Variants in LRRC1 observed in about 807,000 individuals in gnomAD.
LRRC1 encodes leucine-rich repeat-containing protein 1.
Under a neutral mutation model 69.9 loss-of-function variants are expected in LRRC1, and 28 were observed. The observed-to-expected ratio is 0.40, with a 90% CI of 0.30 to 0.55. The LOEUF is 0.55. LRRC1 is among the 20% of genes least tolerant of loss of function. The pLI, the probability that LRRC1 is intolerant of heterozygous loss-of-function variation, is 0.47. For synonymous variants in LRRC1, 236 were observed against 240.2 expected, an observed-to-expected ratio of 0.98 and a Z score of 0.16; for missense variants, 498 against 609.0, an observed-to-expected ratio of 0.82 and a Z score of 1.92.
chr6:53,882,658 TA>T (rs1767335229), intron 3 of LRRC1, among the ~76,000 whole-genome samples: 4 of 152,332 alleles, frequency 2.6e-5, no homozygotes, highest in Admixed American at 6.5e-5. Context: ...TAGATCACCA[TA>T]ACAATGTGTT....
chr6:53,920,004 C>T (rs1309046980), intron 12 of LRRC1, among the ~76,000 whole-genome samples: 1 of 152,184 alleles, frequency 6.6e-6, no homozygotes, highest in Non-Finnish European at 1.5e-5. Flanking sequence ...GTATTAACAC[C>T]ACTGGCATAC....
At chr6:53,902,096 A>G (rs905509510) in intron 8 of LRRC1, among the ~76,000 whole-genome samples, 6 of 152,184 alleles carry the variant, frequency 3.9e-5, no homozygotes, top group African/African-American at 1.4e-4. Context: ...TCCCATGAAC[A>G]GTGGGTATCA....
chr6:53,888,516 A>G (rs900594507), intron 4 of LRRC1, among the ~76,000 whole-genome samples: 1 of 152,208 alleles, frequency 6.6e-6, no homozygotes, highest in African/African-American at 2.4e-5. Flanking sequence ...TAAGATAGCA[A>G]TACTCGACAA....
intron 11 of LRRC1, among the ~76,000 whole-genome samples, chr6:53,915,250 T>G (rs1024432469): frequency 6.6e-6 from 1 of 152,176 alleles, no homozygotes; most frequent in Non-Finnish European, 1.5e-5. Flanking sequence ...TCACCATTTT[T>G]TACTCTTGCT....
chr6:53,889,618 A>G (rs1451749248), intron 4 of LRRC1, among the ~76,000 whole-genome samples: 2 of 152,138 alleles, frequency 1.3e-5, no homozygotes, highest in African/African-American at 4.8e-5. Flanking sequence ...AAATTAAATT[A>G]TTGGTTGTTG....
intron 2 of LRRC1, among the ~76,000 whole-genome samples, chr6:53,853,074 C>G (rs1293986362): frequency 6.6e-6 from 1 of 152,060 alleles, no homozygotes; most frequent in Non-Finnish European, 1.5e-5. Context: ...CGTATTACCC[C>G]CTTCTATTTT....
At chr6:53,917,051 A>T (rs1037818401) in intron 11 of LRRC1, among the ~76,000 whole-genome samples, 8 of 152,172 alleles carry the variant, frequency 5.3e-5, no homozygotes, top group African/African-American at 9.7e-5. Flanking sequence ...TTTATTCTGT[A>T]GTGTACAGAA....
intron 7 of LRRC1, among the ~76,000 whole-genome samples, 164 bp from the exon 8 acceptor site, chr6:53,899,583 G>A (rs911476582): frequency 1.3e-5 from 2 of 152,188 alleles, no homozygotes; most frequent in Non-Finnish European, 2.9e-5. Context: ...ACTTTCATTG[G>A]AAGGGGATCT....
rs1216128838 is a variant in LRRC1, at chr6:53,897,364, G to A, written c.642+5G>A. 1 of 1,599,946 alleles carries A rather than the reference G, an allele frequency of 6.3e-7. No homozygotes were observed. The highest frequency in any genetic ancestry group is 8.6e-7 in the Non-Finnish European group (1 of 1,168,116). ...CAACTGTCAGAATTACCTCAGGTAA[G>A]TGGTAATTTCACAGTGTCTCCCCAA... On this transcript the variant is annotated splice_donor_5th_base_variant and intron_variant, in intron 7 of 13. Coordinates refer to ENST00000370888, the MANE Select transcript of LRRC1 (RefSeq NM_018214.5).
chr6:53,825,418 C>A (rs934251125), intron 1 of LRRC1, among the ~76,000 whole-genome samples: 4 of 152,134 alleles, frequency 2.6e-5, no homozygotes, highest in Admixed American at 2.6e-4. Flanking sequence ...GAGACTGGGG[C>A]GCCATGTCAG....
intron 13 of LRRC1, among the ~76,000 whole-genome samples, 200 bp downstream of exon 13, chr6:53,920,961 G>GTTTTTTTTTTTTTTTTTTTT (rs201940946): frequency 6.8e-6 from 1 of 147,690 alleles, no homozygotes; most frequent in African/African-American, 2.5e-5. Flanking sequence ...GAACTCATGG[G>GTTTTTTTTTTTTTTTTTTTT]TTTTTTTTTT....
chr6:53,851,566 C>T (rs1766138428), intron 2 of LRRC1, among the ~76,000 whole-genome samples: 2 of 152,176 alleles, frequency 1.3e-5, no homozygotes, highest in Admixed American at 6.5e-5. Context: ...TTGAGTCTAA[C>T]CAATTCAAAT....
chr6:53,845,357 A>G (rs1562040805), intron 2 of LRRC1, among the ~76,000 whole-genome samples: 1 of 152,216 alleles, frequency 6.6e-6, no homozygotes, highest in Non-Finnish European at 1.5e-5. Context: ...AGATAAAATT[A>G]TGTTAATCTG....
intron 1 of LRRC1, among the ~76,000 whole-genome samples, chr6:53,836,421 C>A (rs771375384): frequency 5.3e-5 from 8 of 152,138 alleles, no homozygotes; most frequent in Non-Finnish European, 1.2e-4. Flanking sequence ...AAGTGTTTGG[C>A]TTACTGCCAA....
intron 2 of LRRC1, among the ~76,000 whole-genome samples, chr6:53,868,840 C>G (rs1178187700): frequency 6.6e-6 from 1 of 152,180 alleles, no homozygotes; most frequent in Non-Finnish European, 1.5e-5. Context: ...AGGGATCACC[C>G]TCTCATCACT....
At chr6:53,860,211 A>G (rs908976244) in intron 2 of LRRC1, among the ~76,000 whole-genome samples, 13 of 152,248 alleles carry the variant, frequency 8.5e-5, no homozygotes, top group Non-Finnish European at 1.5e-4. Context: ...AAATTTTCTC[A>G]TAACAGTACG....
intron 8 of LRRC1, among the ~76,000 whole-genome samples, chr6:53,902,408 G>A (rs1336559216): frequency 6.6e-6 from 1 of 151,898 alleles, no homozygotes; most frequent in Non-Finnish European, 1.5e-5. Context: ...AAAATGTTTT[G>A]TTTCTTATTG....
chr6:53,795,759 T>C (rs4645422), intron 1 of LRRC1, among the ~76,000 whole-genome samples: 32,292 of 152,048 alleles, frequency 0.21, 3,507 homozygotes, highest in East Asian at 0.25. Context: ...TCGGGCTGTT[T>C]CCATCTGGAA....
intron 9 of LRRC1, among the ~76,000 whole-genome samples, chr6:53,903,137 G>C (rs1768115114): frequency 1.3e-5 from 2 of 152,200 alleles, no homozygotes; most frequent in South Asian, 4.1e-4. Flanking sequence ...GGGAAGAGCA[G>C]GAGAGAAGAG....
Sources: gnomAD v4.1 joint callset for allele counts (sites outside exome capture counted in the v4.1 genomes callset) on GRCh38, gnomAD v4.1.1 for gene constraint, MANE v1.5 for transcripts, NCBI Gene and HGNC (gene_info 2026-07-23, HGNC 2026-07-21) for gene names.